PAPPA2: variants seen among roughly 807,000 people sequenced by gnomAD.
PAPPA2 encodes pappalysin 2, also known as pappalysin-2.
Under a neutral mutation model 176.4 loss-of-function variants are expected in PAPPA2, and 86 were observed. That is an observed-to-expected ratio of 0.49 (90% CI 0.41 to 0.58). The LOEUF (loss-of-function observed/expected upper bound fraction) is 0.58. Ranked by LOEUF, PAPPA2 falls within the 20% of genes least tolerant of loss-of-function variation. The pLI, the probability that PAPPA2 is intolerant of heterozygous loss-of-function variation, is 0.00. For missense variants in PAPPA2, 2,073 were observed against 2,256.9 expected (o/e 0.92, Z 1.65); for synonymous variants, 809 against 852.2 (o/e 0.95, Z 0.88).
intron 4 of PAPPA2, among the ~76,000 whole-genome samples, chr1:176,673,408 G>A (rs1659114993): frequency 6.6e-6 from 1 of 152,118 alleles, no homozygotes; most frequent in East Asian, 1.9e-4. Flanking sequence ...AACACTGTAA[G>A]AAAATATCTC....
At chr1:176,827,814 C>T (rs971378426) in intron 21 of PAPPA2, among the ~76,000 whole-genome samples, 2 of 151,982 alleles carry the variant, frequency 1.3e-5, no homozygotes, top group Non-Finnish European at 2.9e-5. Flanking sequence ...CTATGCCTGG[C>T]TTATAGTAAA....
At chr1:176,835,434 T>G (rs1472935057) in intron 21 of PAPPA2, among the ~76,000 whole-genome samples, 1 of 152,218 alleles carries the variant, frequency 6.6e-6, no homozygotes, top group Non-Finnish European at 1.5e-5. Context: ...GATTGCTGGA[T>G]CACATAATTT....
At chr1:176,593,609 C>T (rs1558458841) in intron 2 of PAPPA2, among the ~76,000 whole-genome samples, 1 of 152,194 alleles carries the variant, frequency 6.6e-6, no homozygotes. Flanking sequence ...GATCATGCCA[C>T]ATCTGAAAGT....
chr1:176,590,710 G>A (rs911192916), intron 2 of PAPPA2, among the ~76,000 whole-genome samples: 4 of 152,160 alleles, frequency 2.6e-5, no homozygotes, highest in Non-Finnish European at 5.9e-5. Flanking sequence ...GCTCAATAAG[G>A]TGATATAACT....
At chr1:176,467,006 A>C (rs1415066911) in intron 1 of PAPPA2, among the ~76,000 whole-genome samples, 2 of 152,166 alleles carry the variant, frequency 1.3e-5, no homozygotes, top group African/African-American at 4.8e-5. Flanking sequence ...TGATGGAAAT[A>C]TGTTCTGAGA....
intron 21 of PAPPA2, among the ~76,000 whole-genome samples, chr1:176,832,195 C>A (rs1012715082): frequency 6.6e-6 from 1 of 152,140 alleles, no homozygotes; most frequent in Non-Finnish European, 1.5e-5. Context: ...GTTTTACCTC[C>A]ATTTGCTCAT....
At position 176,842,495 on chromosome 1, in the gene PAPPA2, T is replaced by G. The variant is rs1327911772; in HGVS notation, c.*41T>G. The G allele has an allele frequency of 6.4e-7, 1 of 1,574,550 alleles. No individual in the cohort carries two copies. Among genetic ancestry groups the G allele is most frequent in the Admixed American group, 1.7e-5 (1 of 59,236 alleles). The stretch of plus-strand genomic sequence containing the variant: ...CCTCCCTCCACTGCCTCAGAGGCAG[T>G]AAGAAAGAGAGGCCGACCCAGGAGG... On this transcript the variant is annotated 3_prime_UTR_variant, in exon 23 of 23. Transcript: ENST00000367662.
chr1:176,577,842 C>A (rs1036494998), intron 2 of PAPPA2, among the ~76,000 whole-genome samples: 4 of 152,082 alleles, frequency 2.6e-5, no homozygotes, highest in Admixed American at 2.0e-4. Flanking sequence ...CTAACCTGGC[C>A]CTGTTTTTGC....
At chr1:176,818,186 A>G (rs1666486271) in intron 21 of PAPPA2, among the ~76,000 whole-genome samples, 1 of 152,232 alleles carries the variant, frequency 6.6e-6, no homozygotes, top group Non-Finnish European at 1.5e-5. Context: ...AAAACAGTTC[A>G]TGGAAAGACT....
intron 6 of PAPPA2, among the ~76,000 whole-genome samples, chr1:176,693,749 G>C (rs1227269869): frequency 6.6e-6 from 1 of 152,110 alleles, no homozygotes; most frequent in East Asian, 1.9e-4. Flanking sequence ...ACCCTTTTGG[G>C]CTCTGTTTGT....
At chr1:176,682,706 G>A (rs1042984001) in intron 4 of PAPPA2, among the ~76,000 whole-genome samples, 27 of 151,468 alleles carry the variant, frequency 1.8e-4, no homozygotes, top group African/African-American at 6.1e-4. Flanking sequence ...TTTTTTAATC[G>A]TCTCCATTTC....
chr1:176,550,690 T>C (rs1330476632), intron 1 of PAPPA2, among the ~76,000 whole-genome samples: 2 of 152,188 alleles, frequency 1.3e-5, no homozygotes, highest in African/African-American at 2.4e-5. Flanking sequence ...CTGCTAATAA[T>C]TTATAATGGT....
chr1:176,689,098 G>A (rs1375091249), intron 4 of PAPPA2, among the ~76,000 whole-genome samples: 1 of 152,178 alleles, frequency 6.6e-6, no homozygotes, highest in Non-Finnish European at 1.5e-5. Context: ...ACCCCAGAGG[G>A]TTGATCCAGG....
chr1:176,732,436 G>A (rs1662205665), intron 12 of PAPPA2, among the ~76,000 whole-genome samples: 1 of 152,140 alleles, frequency 6.6e-6, no homozygotes, highest in Non-Finnish European at 1.5e-5. Context: ...TGATGCATTT[G>A]GATTGGATGA....
chr1:176,589,619 C>A (rs1339059508), intron 2 of PAPPA2, among the ~76,000 whole-genome samples: 1 of 152,208 alleles, frequency 6.6e-6, no homozygotes, highest in East Asian at 1.9e-4. Context: ...TTTTTCTAAT[C>A]CATGGGCTAT....
At chr1:176,611,858 C>G (rs1035660254) in intron 3 of PAPPA2, among the ~76,000 whole-genome samples, 2 of 152,168 alleles carry the variant, frequency 1.3e-5, no homozygotes, top group Non-Finnish European at 2.9e-5. Flanking sequence ...ATTTATCCTA[C>G]TCATTCATCC....
At chr1:176,705,722 C>G (rs955898264) in intron 9 of PAPPA2, among the ~76,000 whole-genome samples, 5 of 152,100 alleles carry the variant, frequency 3.3e-5, no homozygotes, top group Non-Finnish European at 7.4e-5. Context: ...AAACATTTTT[C>G]TTCTCTCAGC....
intron 12 of PAPPA2, among the ~76,000 whole-genome samples, chr1:176,730,798 A>G (rs986637040): frequency 2.0e-5 from 3 of 151,792 alleles, no homozygotes; most frequent in Non-Finnish European, 4.4e-5. Flanking sequence ...TAAGGATTTT[A>G]TTGTCATTCA....
chr1:176,707,482 G>C (rs1660926890), intron 10 of PAPPA2, among the ~76,000 whole-genome samples: 1 of 152,150 alleles, frequency 6.6e-6, no homozygotes, highest in Admixed American at 6.5e-5. Flanking sequence ...ATGAGTACAA[G>C]TTTAGCAGTG....
Sources: gnomAD v4.1 joint callset for allele counts (sites outside exome capture counted in the v4.1 genomes callset) on GRCh38, gnomAD v4.1.1 for gene constraint, MANE v1.5 for transcripts, NCBI Gene and HGNC (gene_info 2026-07-23, HGNC 2026-07-21) for gene names.